Variants in MYLK4 observed in about 807,000 individuals in gnomAD.
The protein encoded by MYLK4 is caMLCK like.
Under a neutral mutation model 48.1 loss-of-function variants are expected in MYLK4, and 46 were observed. The ratio of observed to expected loss-of-function variants is 0.96; its 90% CI spans 0.75 to 1.22. MYLK4 has a LOEUF of 1.22. MYLK4 is among the 50% of genes most tolerant of loss of function. MYLK4 has a pLI of 0.00. For synonymous variants in MYLK4, 170 were observed against 180.8 expected, an observed-to-expected ratio of 0.94 and a Z score of 0.48; for missense variants, 451 against 486.1, an observed-to-expected ratio of 0.93 and a Z score of 0.68.
intron 2 of MYLK4, among the ~76,000 whole-genome samples, chr6:2,702,606 A>G (rs1053966802): frequency 6.6e-6 from 1 of 152,208 alleles, no homozygotes; most frequent in Admixed American, 6.5e-5. Flanking sequence ...TGTTAATAAC[A>G]TACTGTACAT....
the MYLK4 span, chr6:2,766,247 C>A: frequency 1.3e-6 from 2 of 1,500,198 alleles, no homozygotes; most frequent in East Asian, 2.6e-5. Context: ...GGGCCGCCCG[C>A]ACCCCCGGGC....
chr6:2,690,651 AG>A (rs34969058), intron 3 of MYLK4, among the ~76,000 whole-genome samples: 34 of 152,042 alleles, frequency 2.2e-4, no homozygotes, highest in African/African-American at 8.0e-4. Context: ...CCAGGGTCCC[AG>A]GGAATCTCAC....
intron 12 of MYLK4, among the ~76,000 whole-genome samples, chr6:2,669,781 T>C (rs1760812920): frequency 6.6e-6 from 1 of 152,168 alleles, no homozygotes. Context: ...TATTGAGACT[T>C]TCATGTCCTT....
chr6:2,687,293 C>T (rs1172014879), intron 4 of MYLK4, among the ~76,000 whole-genome samples: 2 of 152,204 alleles, frequency 1.3e-5, no homozygotes, highest in African/African-American at 4.8e-5. Flanking sequence ...AAGGCATCCA[C>T]GCACATTTGA....
intron 7 of MYLK4, among the ~76,000 whole-genome samples, chr6:2,682,729 C>T (rs900531071): frequency 3.3e-5 from 5 of 152,222 alleles, no homozygotes; most frequent in African/African-American, 1.2e-4. Flanking sequence ...GTGGATACCG[C>T]TGTGGTGGTG....
chr6:2,736,314 G>A (rs1006584902), intron 2 of MYLK4, among the ~76,000 whole-genome samples: 2 of 152,224 alleles, frequency 1.3e-5, no homozygotes, highest in African/African-American at 4.8e-5. Flanking sequence ...CAGCGCAATG[G>A]CGCGATCTCG....
chr6:2,690,094 T>G (rs1761715643), intron 3 of MYLK4, among the ~76,000 whole-genome samples: 1 of 152,194 alleles, frequency 6.6e-6, no homozygotes. Flanking sequence ...TAATGCTTGC[T>G]GGAGAAGGTT....
intron 2 of MYLK4, among the ~76,000 whole-genome samples, chr6:2,708,703 T>C (rs1399128177): frequency 6.6e-6 from 1 of 152,148 alleles, no homozygotes; most frequent in Non-Finnish European, 1.5e-5. Flanking sequence ...CTCTGACTCA[T>C]AACTAAAAGT....
intron 3 of MYLK4, among the ~76,000 whole-genome samples, chr6:2,690,084 T>C (rs1555676): frequency 0.34 from 51,528 of 152,110 alleles, 9,533 homozygotes; most frequent in East Asian, 0.63. Context: ...ATTTAGTCTG[T>C]AATGCTTGCT....
chr6:2,691,776 A>G (rs1341526230), intron 3 of MYLK4, among the ~76,000 whole-genome samples: 1 of 152,246 alleles, frequency 6.6e-6, no homozygotes, highest in Non-Finnish European at 1.5e-5. Flanking sequence ...ATAGAAAATA[A>G]CAAAATGCCT....
chr6:2,765,580 G>A, the MYLK4 span: 2 of 1,443,012 alleles, frequency 1.4e-6, no homozygotes, highest in Non-Finnish European at 9.1e-7. Flanking sequence ...GTGCGCACGG[G>A]TTGCTGCGGC....
At chr6:2,769,980 A>G in the MYLK4 span, 1 of 1,221,722 alleles carries the variant, frequency 8.2e-7, no homozygotes. Context: ...ATCTATATTC[A>G]GTGAATATAA....
intron 2 of MYLK4, among the ~76,000 whole-genome samples, chr6:2,729,534 CT>C (rs2113319750): frequency 6.6e-6 from 1 of 152,312 alleles, no homozygotes; most frequent in Admixed American, 6.5e-5. Flanking sequence ...CCAAGGGGCC[CT>C]GTATTTTTTC....
chr6:2,685,817 T>A lies in MYLK4; in HGVS notation c.342-241A>T, dbSNP rs1224421733. On this transcript the variant is annotated intron_variant, in intron 4 of 12. Transcript: ENST00000274643. This position sits in a 1 kb window ranked among gnomAD's most constrained non-coding sequence, Gnocchi z 4.5. ...CGGGCACGGTGGCTCACACCTGTAA[T>A]CCCAGCACTTTGGGAGGCCGAGGCG... Among the ~76,000 whole-genome samples, 1 of 152,072 alleles carries A rather than the reference T, an allele frequency of 6.6e-6. No individual in the cohort carries two copies. The highest frequency in any genetic ancestry group is 1.9e-4 in the East Asian group (1 of 5,178).
chr6:2,697,651 C>T (rs1280184787), intron 2 of MYLK4, among the ~76,000 whole-genome samples: 1 of 152,140 alleles, frequency 6.6e-6, no homozygotes, highest in Non-Finnish European at 1.5e-5. Context: ...TCTTTCATTC[C>T]CATTCAATAA....
In MYLK4 at chr6:2,665,432, C is replaced by T. The variant is rs1377638418; in HGVS notation, c.*2493G>A. On this transcript the variant is annotated 3_prime_UTR_variant, in exon 13 of 13. Coordinates refer to ENST00000274643, the MANE Select transcript of MYLK4 (RefSeq NM_001012418.5). ...CCCTGCTGGCATGGAGATGCCTTCCCATTCCAAATGTGGAAATTTAACTAC... is the reference window on the plus strand; with the variant it reads ...CCCTGCTGGCATGGAGATGCCTTCCTATTCCAAATGTGGAAATTTAACTAC... 1 of 152,278 alleles carries T rather than the reference C, an allele frequency of 6.6e-6. No individual in the cohort carries two copies. The highest frequency in any genetic ancestry group is 1.5e-5 in the Non-Finnish European group (1 of 68,060). The allele number at this position is 152,278 out of a possible 1,614,324, so 9.4% of individuals were successfully genotyped here.
intron 2 of MYLK4, among the ~76,000 whole-genome samples, chr6:2,717,879 T>C (rs967866694): frequency 2.0e-5 from 3 of 152,206 alleles, no homozygotes; most frequent in East Asian, 3.9e-4. Context: ...GTGTGAGAGA[T>C]ATAAGAAATC....
At chr6:2,692,642 AGGGG>A (rs5873836) in intron 3 of MYLK4, 138 bp downstream of exon 3, 16 of 211,534 alleles carry the variant, frequency 7.6e-5, no homozygotes, top group South Asian at 2.2e-4. Context: ...AAAAAAAAAA[AGGGG>A]GGGGGGGGCA....
the MYLK4 span, among the ~76,000 whole-genome samples, chr6:2,762,866 T>G: frequency 6.6e-6 from 1 of 152,186 alleles, no homozygotes; most frequent in South Asian, 2.1e-4. Context: ...GTGGGTTCAG[T>G]GGGTTTGTGG....
Sources: gnomAD v4.1 joint callset for allele counts (sites outside exome capture counted in the v4.1 genomes callset) on GRCh38, gnomAD v4.1.1 for gene constraint, Gnocchi (gnomAD v3.1) non-coding constraint, MANE v1.5 for transcripts, NCBI Gene and HGNC (gene_info 2026-07-23, HGNC 2026-07-21) for gene names.